The following NDFIP1 variants were observed in gnomAD, a reference collection of about 807,000 sequenced individuals.
NDFIP1 encodes Nedd4 family interacting protein 1.
In NDFIP1, 7 loss-of-function variants were observed where a neutral mutation model predicts 28.8. That is an observed-to-expected ratio of 0.24 (90% CI 0.14 to 0.46). The LOEUF (loss-of-function observed/expected upper bound fraction) is 0.46, where lower values mean the gene tolerates loss of function less well. Among genes scored for constraint, NDFIP1 ranks in the 20% least tolerant of loss-of-function variants. The pLI is 0.99. For synonymous variants in NDFIP1, 92 were observed against 101.0 expected (o/e 0.91, Z 0.53); for missense variants, 194 against 269.1 (o/e 0.72, Z 1.95).
chr5:142,140,511 T>G, intron 5 of NDFIP1, 52 bp from the exon 6 acceptor site: 2 of 1,424,164 alleles, frequency 1.4e-6, no homozygotes, highest in Non-Finnish European at 1.9e-6. Context: ...TAAGTTAAAA[T>G]GAGAAATTGT....
Position 142,136,584 on chromosome 5 carries a change from A to G in NDFIP1, c.370+767A>G. On this transcript the variant is annotated intron_variant, in intron 4 of 7. Coordinates refer to ENST00000253814, the MANE Select transcript of NDFIP1 (RefSeq NM_030571.4). The stretch of plus-strand genomic sequence containing the variant: ...AGCCTGGCCACCATGGTGAAACCCC[A>G]TCTCTACTAAAAATACAAAAATTAG... 2.4e-5 allele frequency among the ~76,000 whole-genome samples: 2 copies of G among 83,544 alleles called. 1 individual carries two copies. The highest frequency in any genetic ancestry group is 2.6e-4 in the Admixed American group (2 of 7,824). 54.8% of individuals were successfully genotyped at this position (83,544 alleles called of 152,430 possible). A position where few individuals can be genotyped will look rare whatever the true frequency, so the allele number is the denominator to read the frequency against.
intron 5 of NDFIP1, among the ~76,000 whole-genome samples, chr5:142,140,278 A>G (rs1237562894): frequency 6.6e-6 from 1 of 151,934 alleles, no homozygotes; most frequent in Non-Finnish European, 1.5e-5. Flanking sequence ...GAGAAACCCC[A>G]TCTCTACTAA....
At chr5:142,129,482 C>A (rs192604509) in intron 1 of NDFIP1, among the ~76,000 whole-genome samples, 1 of 151,930 alleles carries the variant, frequency 6.6e-6, no homozygotes, top group Non-Finnish European at 1.5e-5. Flanking sequence ...TACTAGGATT[C>A]GAAAAAATGT....
chr5:142,109,154 C>G lies in NDFIP1; in HGVS notation c.63+117C>G, dbSNP rs928431909. The G allele has an allele frequency of 7.3e-6, 7 of 956,812 alleles. No homozygotes were observed. In the Admixed American group the frequency reaches 3.1e-4, roughly 42 times the overall value. 59.3% of individuals were successfully genotyped at this position (956,812 alleles called of 1,614,324 possible). On this transcript the variant is annotated intron_variant, in intron 1 of 7. Transcript: ENST00000253814. ...AACTCGACGCCGGGGCTTGGCAGGC[C>G]GCGCTGGGCCTGGAGGGGCGGGTCG...
At chr5:142,142,734 C>G (rs963533554) in intron 6 of NDFIP1, among the ~76,000 whole-genome samples, 2 of 151,624 alleles carry the variant, frequency 1.3e-5, no homozygotes, top group African/African-American at 4.8e-5. Context: ...TCGAGACCAG[C>G]ATGGCCACCG....
At chr5:142,146,597 C>T (rs914087973) in intron 7 of NDFIP1, among the ~76,000 whole-genome samples, 22 of 152,282 alleles carry the variant, frequency 1.4e-4, no homozygotes, top group African/African-American at 5.1e-4. Context: ...ACTGAGGGGA[C>T]AGATTTCTTT....
rs1757460341 is a variant in NDFIP1 at position 142,152,738 on chromosome 5, A to AATAC, written c.*1012_*1015dup. ...CTTGGTTTGCTATGTTAAAACTGTA[A>AATAC]ATACAACAGAACATTAATAAATATC... is the stretch of plus-strand genomic sequence containing the variant. On this transcript the variant is annotated 3_prime_UTR_variant, in exon 8 of 8. Transcript: ENST00000253814. 1 of 158,526 alleles carries AATAC rather than the reference A, an allele frequency of 6.3e-6. No homozygotes were observed. The highest frequency in any genetic ancestry group is 6.2e-5 in the Admixed American group (1 of 16,154). The allele number at this position is 158,526 out of a possible 1,614,324, so 9.8% of individuals were successfully genotyped here. A position where few individuals can be genotyped will look rare whatever the true frequency, so the allele number is the denominator to read the frequency against.
chr5:142,111,949 C>A (rs1286950311), intron 1 of NDFIP1, among the ~76,000 whole-genome samples: 1 of 152,124 alleles, frequency 6.6e-6, no homozygotes, highest in East Asian at 1.9e-4. Context: ...CACCTGTAAT[C>A]CCAGCTACTT....
At chr5:142,150,914 TTTCTTCTTTTATTCTTAATAG>T (rs1561606596) in intron 7 of NDFIP1, among the ~76,000 whole-genome samples, 1 of 152,184 alleles carries the variant, frequency 6.6e-6, no homozygotes, top group Non-Finnish European at 1.5e-5. Context: ...CTCTTTAGTG[TTTCTTCTTTTATTCTTAATAG>T]TTCTTCTTTT....
intron 1 of NDFIP1, among the ~76,000 whole-genome samples, chr5:142,112,293 G>C (rs1034351291): frequency 2.2e-4 from 34 of 151,912 alleles, no homozygotes; most frequent in Non-Finnish European, 2.5e-4. Context: ...GCTGAGGCAG[G>C]AGAATCGCTT....
At chr5:142,150,938 C>T (rs1757441485) in intron 7 of NDFIP1, among the ~76,000 whole-genome samples, 1 of 152,000 alleles carries the variant, frequency 6.6e-6, no homozygotes, top group Admixed American at 6.6e-5. Context: ...CTTAATAGTT[C>T]TTCTTTTATT....
chr5:142,123,699 C>G (rs1757143078), intron 1 of NDFIP1, among the ~76,000 whole-genome samples: 1 of 152,116 alleles, frequency 6.6e-6, no homozygotes, highest in Non-Finnish European at 1.5e-5. Context: ...TAAAATGAGT[C>G]TGATACAGCC....
chr5:142,130,202 A>G (rs1403044388), intron 1 of NDFIP1, among the ~76,000 whole-genome samples: 1 of 152,204 alleles, frequency 6.6e-6, no homozygotes, highest in Admixed American at 6.5e-5. Context: ...AAATTAATAT[A>G]GTTCATTGTC....
chr5:142,136,778 G>A (rs1757280331), intron 4 of NDFIP1, among the ~76,000 whole-genome samples: 1 of 122,596 alleles, frequency 8.2e-6, no homozygotes, highest in Non-Finnish European at 1.7e-5. Context: ...AAAAAAAGAG[G>A]TCAAAGGCTG....
intron 1 of NDFIP1, among the ~76,000 whole-genome samples, chr5:142,122,151 G>C (rs1352381980): frequency 6.6e-6 from 1 of 152,174 alleles, no homozygotes; most frequent in Non-Finnish European, 1.5e-5. Flanking sequence ...TCCAGAAACA[G>C]CATTGCCAGC....
chr5:142,129,911 CAAAA>C lies in NDFIP1; in HGVS notation c.64-1881_64-1878del, dbSNP rs749420090. 7.0e-4 allele frequency among the ~76,000 whole-genome samples: 44 copies of C among 62,658 alleles called. No individual in the cohort carries two copies. The East Asian group carries it at 9.6e-3, about 14-fold the overall frequency. The allele number at this position is 62,658 out of a possible 152,430, so 41.1% of individuals were successfully genotyped here. Reference sequence around the variant, plus strand: ...GGGCAACAAAAGCGAAACTACATCTCAAAAAAAAAAAAAAAAAAAGAAAGAAAGA... The same window carrying C: ...GGGCAACAAAAGCGAAACTACATCTCAAAAAAAAAAAAAAAGAAAGAAAGA... On this transcript the variant is annotated intron_variant, in intron 1 of 7. Coordinates refer to ENST00000253814, the MANE Select transcript of NDFIP1 (RefSeq NM_030571.4).
Position 142,152,774 on chromosome 5 carries a change from C to A in NDFIP1, c.*1046C>A, listed in dbSNP as rs889312403. The A allele has an allele frequency of 6.2e-6, 1 of 160,916 alleles. No homozygotes were observed. Among genetic ancestry groups the A allele is most frequent in the African/African-American group, 2.4e-5 (1 of 41,460 alleles). 10.0% of individuals were successfully genotyped at this position (160,916 alleles called of 1,614,324 possible). ...ACATTAATAAATATCTCTTGTGTAG[C>A]ACCTTTTACTGTAGATTAGTGCTTA... On this transcript the variant is annotated 3_prime_UTR_variant, in exon 8 of 8. Coordinates refer to ENST00000253814, the MANE Select transcript of NDFIP1 (RefSeq NM_030571.4).
rs932600718 is a variant in NDFIP1 at position 142,153,715 on chromosome 5, A to G, written c.*1987A>G. 1.2e-5 allele frequency: 3 copies of G among 245,558 alleles called. No individual in the cohort carries two copies. The highest frequency in any genetic ancestry group is 6.7e-5 in the African/African-American group (3 of 44,476). The allele number at this position is 245,558 out of a possible 1,614,324, so 15.2% of individuals were successfully genotyped here. Reference sequence around the variant, plus strand: ...GAATGAAAAGATCTGTAACAATCTGAATAGATGTGGACACATATAGCAGAG... The same window carrying G: ...GAATGAAAAGATCTGTAACAATCTGGATAGATGTGGACACATATAGCAGAG... On this transcript the variant is annotated 3_prime_UTR_variant, in exon 8 of 8. Transcript: ENST00000253814.
At chr5:142,118,186 C>G (rs1413698505) in intron 1 of NDFIP1, among the ~76,000 whole-genome samples, 1 of 152,170 alleles carries the variant, frequency 6.6e-6, no homozygotes, top group Non-Finnish European at 1.5e-5. Flanking sequence ...CAATTAAAGT[C>G]TGTACTTTGT....
Sources: allele counts gnomAD v4.1 joint callset (sites outside exome capture counted in the v4.1 genomes callset), GRCh38; gene constraint gnomAD v4.1.1; transcripts MANE v1.5; gene names NCBI Gene and HGNC (gene_info 2026-07-23, HGNC 2026-07-21).